DNER: variants seen among roughly 807,000 people sequenced by gnomAD.
DNER encodes delta and Notch-like epidermal growth factor-related receptor.
DNER carries 33 observed loss-of-function variants against 78.2 expected under a neutral mutation model. The ratio of observed to expected loss-of-function variants is 0.42; its 90% CI spans 0.32 to 0.56. The LOEUF (loss-of-function observed/expected upper bound fraction) is 0.56, where lower values mean the gene tolerates loss of function less well. DNER is among the 20% of genes least tolerant of loss of function. The pLI is 0.11. For synonymous variants in DNER, 417 were observed against 384.8 expected, an observed-to-expected ratio of 1.08 and a Z score of -0.98; for missense variants, 918 against 975.3, an observed-to-expected ratio of 0.94 and a Z score of 0.78.
intron 8 of DNER, among the ~76,000 whole-genome samples, chr2:229,441,495 G>T (rs948435237): frequency 1.5e-4 from 23 of 152,190 alleles, no homozygotes; most frequent in Admixed American, 5.2e-4. Context: ...TTTGAACTCT[G>T]GTTAGGTTAT....
chr2:229,613,915 C>CTA (rs1470277104), intron 1 of DNER, among the ~76,000 whole-genome samples: 2 of 150,610 alleles, frequency 1.3e-5, no homozygotes, highest in Non-Finnish European at 2.9e-5. Context: ...TCTCAGCAAA[C>CTA]TATCACAAGG....
intron 11 of DNER, among the ~76,000 whole-genome samples, chr2:229,380,329 A>C (rs1359343844): frequency 1.3e-5 from 2 of 152,156 alleles, no homozygotes; most frequent in Non-Finnish European, 2.9e-5. Context: ...AGGCCAAGTG[A>C]CACAGACAGA....
intron 1 of DNER, among the ~76,000 whole-genome samples, chr2:229,686,366 A>G (rs528178759): frequency 1.3e-5 from 2 of 151,992 alleles, no homozygotes; most frequent in Non-Finnish European, 2.9e-5. Flanking sequence ...AGCTTTCACC[A>G]TCATTACCAT....
chr2:229,585,595 G>A (rs1257196885), intron 4 of DNER, among the ~76,000 whole-genome samples: 26 of 151,904 alleles, frequency 1.7e-4, no homozygotes, highest in Admixed American at 1.7e-3. Flanking sequence ...AGGAGGCAGA[G>A]GTTGCAGTGA....
At chr2:229,451,969 A>G (rs2106364061) in intron 7 of DNER, among the ~76,000 whole-genome samples, 1 of 152,342 alleles carries the variant, frequency 6.6e-6, no homozygotes, top group East Asian at 1.9e-4. Flanking sequence ...ACAAGGAGAC[A>G]TAAAGGGTCA....
intron 7 of DNER, among the ~76,000 whole-genome samples, chr2:229,457,753 C>T (rs765453087): frequency 2.1e-5 from 3 of 146,230 alleles, no homozygotes; most frequent in South Asian, 2.2e-4. Context: ...AATTAAAAGG[C>T]GTAGATTGTC....
intron 1 of DNER, among the ~76,000 whole-genome samples, chr2:229,607,749 G>A (rs905230340): frequency 5.9e-5 from 9 of 152,044 alleles, no homozygotes; most frequent in African/African-American, 1.4e-4. Flanking sequence ...AAGGATGGGC[G>A]CGATAGCTCA....
At chr2:229,413,720 T>TTA (rs1344012613) in intron 9 of DNER, among the ~76,000 whole-genome samples, 7 of 151,158 alleles carry the variant, frequency 4.6e-5, no homozygotes, top group South Asian at 2.1e-4. Context: ...AGAGAGGGTG[T>TTA]TATATATATA....
At chr2:229,704,888 T>C (rs1377605153) in intron 1 of DNER, among the ~76,000 whole-genome samples, 2 of 152,240 alleles carry the variant, frequency 1.3e-5, no homozygotes, top group African/African-American at 4.8e-5. Context: ...GCTAAAGATT[T>C]TCGTGTTCTT....
intron 7 of DNER, among the ~76,000 whole-genome samples, chr2:229,469,214 AGGGACAGCG>A (rs1694870118): frequency 6.6e-6 from 1 of 152,218 alleles, no homozygotes; most frequent in African/African-American, 2.4e-5. Flanking sequence ...GAGCCCCATG[AGGGACAGCG>A]GGTGTACATC....
At chr2:229,560,243 C>A (rs1229601278) in intron 4 of DNER, among the ~76,000 whole-genome samples, 2 of 152,170 alleles carry the variant, frequency 1.3e-5, no homozygotes, top group African/African-American at 4.8e-5. Context: ...TGGCTAAAGA[C>A]CATTTTCTTT....
chr2:229,571,327 TA>T (rs907104218), intron 4 of DNER, among the ~76,000 whole-genome samples: 2 of 152,158 alleles, frequency 1.3e-5, no homozygotes, highest in African/African-American at 4.8e-5. Context: ...TACTTGCTGC[TA>T]AAATCTCAAA....
At chr2:229,559,985 G>T (rs1201718361) in intron 4 of DNER, among the ~76,000 whole-genome samples, 2 of 152,146 alleles carry the variant, frequency 1.3e-5, no homozygotes, top group South Asian at 2.1e-4. Context: ...CCAAGACTTT[G>T]CCAAGCTCAC....
chr2:229,615,728 C>T (rs1698146607), intron 1 of DNER, among the ~76,000 whole-genome samples: 1 of 151,940 alleles, frequency 6.6e-6, no homozygotes, highest in African/African-American at 2.4e-5. Flanking sequence ...AAAAAAAGAA[C>T]TGTTTTGTAG....
At chr2:229,634,786 C>T (rs1026778096) in intron 1 of DNER, among the ~76,000 whole-genome samples, 2 of 152,150 alleles carry the variant, frequency 1.3e-5, no homozygotes, top group South Asian at 2.1e-4. Flanking sequence ...GCATCCTCTG[C>T]GAGCGGGAAG....
intron 1 of DNER, among the ~76,000 whole-genome samples, chr2:229,615,352 G>A (rs1020463610): frequency 4.0e-5 from 6 of 150,336 alleles, no homozygotes; most frequent in African/African-American, 1.5e-4. Context: ...CTGAGGTTGT[G>A]GTGAGCCAAG....
chr2:229,483,815 G>T (rs1219937938), intron 6 of DNER, among the ~76,000 whole-genome samples: 1 of 151,982 alleles, frequency 6.6e-6, no homozygotes, highest in Non-Finnish European at 1.5e-5. Context: ...CAGGCTTTTT[G>T]CCCTTGTTTA....
At chr2:229,424,532 C>T (rs556653922) in intron 8 of DNER, among the ~76,000 whole-genome samples, 2 of 152,302 alleles carry the variant, frequency 1.3e-5, no homozygotes, top group African/African-American at 4.8e-5. Context: ...ATGGTTTCCC[C>T]TGAGGCCTCT....
intron 7 of DNER, among the ~76,000 whole-genome samples, chr2:229,469,578 C>CA (rs1694879019): frequency 6.6e-6 from 1 of 152,172 alleles, no homozygotes; most frequent in African/African-American, 2.4e-5. Context: ...AGTAAGTAAT[C>CA]AAACAGGTTC....
Sources: gnomAD v4.1 joint callset for allele counts (sites outside exome capture counted in the v4.1 genomes callset) on GRCh38, gnomAD v4.1.1 for gene constraint, MANE v1.5 for transcripts, NCBI Gene and HGNC (gene_info 2026-07-23, HGNC 2026-07-21) for gene names.